Variants in ENTREP3 observed in about 807,000 individuals in gnomAD.
ENTREP3 encodes protein ENTREP3.
At chr1:155,255,221 T>G in the ENTREP3 span, 6 of 364,892 alleles carry the variant, frequency 1.6e-5, no homozygotes, top group Admixed American at 8.0e-5. This position sits in a 1 kb window ranked among gnomAD's most constrained non-coding sequence, Gnocchi z 5.6. Flanking sequence ...GGCGGCGGCC[T>G]GGAGCCCAGG....
chr1:155,254,813 G>A, the ENTREP3 span: 2 of 1,609,790 alleles, frequency 1.2e-6, no homozygotes. This position sits in a 1 kb window ranked among gnomAD's most constrained non-coding sequence, Gnocchi z 4.4. Context: ...GCGGAGGTGG[G>A]TAAGGCCCCT....
the ENTREP3 span, chr1:155,254,871 G>A: frequency 6.4e-7 from 1 of 1,565,180 alleles, no homozygotes; most frequent in Non-Finnish European, 8.6e-7. This position sits in a 1 kb window ranked among gnomAD's most constrained non-coding sequence, Gnocchi z 4.4. Flanking sequence ...CTAGGCGAGG[G>A]CATCATGCCT....
chr1:155,249,108 G>C, the ENTREP3 span, among the ~76,000 whole-genome samples: 3 of 151,818 alleles, frequency 2.0e-5, no homozygotes, highest in Non-Finnish European at 4.4e-5. Flanking sequence ...GTGTTTTTGA[G>C]ATGGAGTGTG....
chr1:155,252,363 A>AATTATT, the ENTREP3 span, among the ~76,000 whole-genome samples: 1 of 151,018 alleles, frequency 6.6e-6, no homozygotes, highest in Non-Finnish European at 1.5e-5. Context: ...ATGCCCAGCT[A>AATTATT]ATTATTATTA....
At chr1:155,250,233 G>A in the ENTREP3 span, 1 of 1,515,970 alleles carries the variant, frequency 6.6e-7, no homozygotes, top group Non-Finnish European at 8.9e-7. This position sits in a 1 kb window ranked among gnomAD's most constrained non-coding sequence, Gnocchi z 5.4. Flanking sequence ...AACTCCCAGT[G>A]CCTACCCTCT....
At chr1:155,250,584 G>A in the ENTREP3 span, 1 of 1,604,476 alleles carries the variant, frequency 6.2e-7, no homozygotes, top group Non-Finnish European at 8.5e-7. The surrounding 1 kb of genome is among the most constrained non-coding windows in gnomAD (Gnocchi z 5.4). Context: ...GCAGGAATAG[G>A]AGCGGGCAGC....
At chr1:155,250,523 G>A in the ENTREP3 span, 1 of 1,525,312 alleles carries the variant, frequency 6.6e-7, no homozygotes, top group East Asian at 2.4e-5. This position sits in a 1 kb window ranked among gnomAD's most constrained non-coding sequence, Gnocchi z 5.4. Flanking sequence ...ACCGGTGGCA[G>A]CTGCGGGCAG....
chr1:155,249,784 G>T, the ENTREP3 span, among the ~76,000 whole-genome samples: 2 of 151,882 alleles, frequency 1.3e-5, no homozygotes, highest in Non-Finnish European at 2.9e-5. Flanking sequence ...TACTCGGGAG[G>T]CTGAGGAAGG....
the ENTREP3 span, chr1:155,255,151 T>C: frequency 1.8e-6 from 1 of 551,410 alleles, no homozygotes; most frequent in South Asian, 2.1e-5. The surrounding 1 kb of genome is among the most constrained non-coding windows in gnomAD (Gnocchi z 5.6). Context: ...GGGCACCGGC[T>C]CATCGCATCT....
chr1:155,248,010 C>T, the ENTREP3 span: 90 of 1,613,652 alleles, frequency 5.6e-5, no homozygotes, highest in East Asian at 5.1e-4. Context: ...TGAAGCTCCA[C>T]GCTTTCCCAA....
chr1:155,252,713 TATATATATA>T, the ENTREP3 span: 33 of 58,832 alleles, frequency 5.6e-4, no homozygotes, highest in African/African-American at 2.8e-3. Context: ...TATATATATA[TATATATATA>T]TTTTTTTTTT....
chr1:155,252,690 G>GTATATA, the ENTREP3 span: 29 of 32,880 alleles, frequency 8.8e-4, no homozygotes, highest in South Asian at 1.7e-3. Flanking sequence ...AATTTTGTGT[G>GTATATA]TATATATATA....
the ENTREP3 span, among the ~76,000 whole-genome samples, chr1:155,249,819 G>C: frequency 2.0e-5 from 3 of 151,576 alleles, no homozygotes; most frequent in African/African-American, 7.3e-5. Flanking sequence ...CCGGGAGGCG[G>C]AGCTTGCAGT....
the ENTREP3 span, chr1:155,247,663 TG>T: frequency 9.3e-6 from 9 of 969,628 alleles, no homozygotes; most frequent in South Asian, 4.6e-5. Flanking sequence ...AGGGACACTT[TG>T]GGGGGTATAC....
chr1:155,251,559 G>A, the ENTREP3 span: 1 of 1,614,046 alleles, frequency 6.2e-7, no homozygotes, highest in South Asian at 1.1e-5. Flanking sequence ...AATCGGTAGG[G>A]TACAAGGGCA....
the ENTREP3 span, chr1:155,250,561 C>G: frequency 6.3e-7 from 1 of 1,589,448 alleles, no homozygotes; most frequent in Non-Finnish European, 8.5e-7. This position sits in a 1 kb window ranked among gnomAD's most constrained non-coding sequence, Gnocchi z 5.4. Context: ...GGGGGTGGAG[C>G]TTCAGGGGCA....
the ENTREP3 span, chr1:155,254,528 AC>A: frequency 6.3e-6 from 10 of 1,580,306 alleles, no homozygotes; most frequent in Non-Finnish European, 1.7e-6. This position sits in a 1 kb window ranked among gnomAD's most constrained non-coding sequence, Gnocchi z 4.4. Flanking sequence ...CACAGGATGC[AC>A]CCAGCCCTGT....
chr1:155,252,701 TATATATATATATA>T, the ENTREP3 span: 1 of 49,432 alleles, frequency 2.0e-5, no homozygotes, highest in African/African-American at 1.1e-4. Flanking sequence ...TATATATATA[TATATATATATATA>T]TATATATATT....
the ENTREP3 span, chr1:155,250,697 G>A: frequency 6.2e-7 from 1 of 1,612,932 alleles, no homozygotes; most frequent in South Asian, 1.1e-5. The surrounding 1 kb of genome is among the most constrained non-coding windows in gnomAD (Gnocchi z 5.4). Flanking sequence ...TGGAGCGAAA[G>A]AGAACGTAGT....
Sources: allele counts gnomAD v4.1 joint callset (sites outside exome capture counted in the v4.1 genomes callset), GRCh38; gene constraint gnomAD v4.1.1; non-coding constraint Gnocchi (gnomAD v3.1); transcripts MANE v1.5; gene names NCBI Gene and HGNC (gene_info 2026-07-23, HGNC 2026-07-21).